FLI1: variants seen among roughly 807,000 people sequenced by gnomAD.
FLI1 encodes Fli-1 proto-oncogene, ETS transcription factor.
A neutral mutation model predicts 53.1 loss-of-function variants in FLI1; 13 were observed. The observed-to-expected ratio is 0.24, with a 90% CI of 0.16 to 0.39. FLI1 has a LOEUF of 0.39. Among genes scored for constraint, FLI1 ranks in the 10% least tolerant of loss-of-function variants. The pLI, the probability that FLI1 is intolerant of heterozygous loss-of-function variation, is 1.00. For missense variants in FLI1, 424 were observed against 600.5 expected (o/e 0.71, Z 3.07); for synonymous variants, 244 against 236.7 (o/e 1.03, Z -0.28).
At chr11:128,795,987 C>A (rs1314883201) in intron 5 of FLI1, among the ~76,000 whole-genome samples, 1 of 152,196 alleles carries the variant, frequency 6.6e-6, no homozygotes, top group Non-Finnish European at 1.5e-5. Context: ...CAAGTATCTA[C>A]CTTTTACAGA....
chr11:128,772,353 T>C (rs1941594238), intron 3 of FLI1, among the ~76,000 whole-genome samples: 1 of 152,212 alleles, frequency 6.6e-6, no homozygotes, highest in African/African-American at 2.4e-5. Flanking sequence ...AGTAAAAGTC[T>C]CTCTGTTTCT....
At chr11:128,763,432 C>G (rs1456894077) in intron 2 of FLI1, among the ~76,000 whole-genome samples, 1 of 152,244 alleles carries the variant, frequency 6.6e-6, no homozygotes, top group Non-Finnish European at 1.5e-5. Context: ...CTGCAAATAA[C>G]TCTCAGCTGC....
At chr11:128,733,557 G>A (rs1939785906) in intron 1 of FLI1, among the ~76,000 whole-genome samples, 1 of 152,202 alleles carries the variant, frequency 6.6e-6, no homozygotes, top group Admixed American at 6.5e-5. Context: ...AACATGCAAA[G>A]TGAGTCACAG....
chr11:128,794,465 GGAGA>G (rs139360912), intron 5 of FLI1, among the ~76,000 whole-genome samples: 17 of 151,868 alleles, frequency 1.1e-4, no homozygotes, highest in Admixed American at 2.6e-4. Flanking sequence ...TCATCTATCT[GGAGA>G]GAGAGAGAGA....
intron 7 of FLI1, 82 bp from the exon 8 acceptor site, chr11:128,809,075 A>G (rs1019076939): frequency 1.5e-5 from 17 of 1,103,678 alleles, no homozygotes; most frequent in Non-Finnish European, 1.9e-5. Context: ...AAAAGTATAA[A>G]CCCTTATGGT....
chr11:128,724,807 G>A (rs1400666191), intron 1 of FLI1, among the ~76,000 whole-genome samples: 1 of 152,154 alleles, frequency 6.6e-6, no homozygotes, highest in East Asian at 1.9e-4. Flanking sequence ...TCACTCTCAG[G>A]TCAAAGCAGG....
intron 1 of FLI1, among the ~76,000 whole-genome samples, chr11:128,741,751 G>T (rs1028457692): frequency 6.6e-6 from 1 of 152,176 alleles, no homozygotes; most frequent in Non-Finnish European, 1.5e-5. Context: ...CTCAGTTCAC[G>T]GCTTTCCTGT....
At chr11:128,795,092 A>G (rs1470267341) in intron 5 of FLI1, among the ~76,000 whole-genome samples, 1 of 152,196 alleles carries the variant, frequency 6.6e-6, no homozygotes, top group East Asian at 1.9e-4. Flanking sequence ...AAAATATTAA[A>G]CAGAGGCTTA....
rs751204647 is a variant in FLI1 at position 128,811,037 on chromosome 11, A to G, written c.*49A>G. On this transcript the variant is annotated 3_prime_UTR_variant, in exon 9 of 9. Coordinates refer to ENST00000527786, the MANE Select transcript of FLI1 (RefSeq NM_002017.5). ...TAGCTGAAGCCCATCCTGCACACTT[A>G]CTGGATGCTTTGGACTCAACAGGAC... is the stretch of plus-strand genomic sequence containing the variant. 6.4e-7 allele frequency: 1 copy of G among 1,556,206 alleles called. No individual in the cohort carries two copies. Among genetic ancestry groups the G allele is most frequent in the East Asian group, 2.2e-5 (1 of 44,614 alleles).
intron 3 of FLI1, among the ~76,000 whole-genome samples, chr11:128,771,604 T>G (rs1941559830): frequency 6.6e-6 from 1 of 152,206 alleles, no homozygotes; most frequent in Non-Finnish European, 1.5e-5. Flanking sequence ...GTGAGTTGCT[T>G]GAGGGGTAGC....
chr11:128,729,109 C>T (rs1181205848), intron 1 of FLI1, among the ~76,000 whole-genome samples: 1 of 152,216 alleles, frequency 6.6e-6, no homozygotes, highest in Non-Finnish European at 1.5e-5. Flanking sequence ...TTCTGCTAGG[C>T]ACCTCTGCTT....
chr11:128,750,420 C>G (rs1384937354), intron 1 of FLI1, among the ~76,000 whole-genome samples: 1 of 152,226 alleles, frequency 6.6e-6, no homozygotes, highest in African/African-American at 2.4e-5. Context: ...TAAGGAAGAA[C>G]AGAGGGAAAG....
intron 1 of FLI1, among the ~76,000 whole-genome samples, chr11:128,734,915 T>C (rs373570243): frequency 2.6e-5 from 4 of 152,264 alleles, no homozygotes; most frequent in East Asian, 3.9e-4. Flanking sequence ...GAAAAATAAA[T>C]GTACTAATTG....
At chr11:128,694,966 C>G (rs1424144035) in intron 1 of FLI1, among the ~76,000 whole-genome samples, 2 of 152,136 alleles carry the variant, frequency 1.3e-5, no homozygotes, top group Non-Finnish European at 2.9e-5. Context: ...GGCGGGGAAC[C>G]TTCCCCAGCC....
chr11:128,757,092 C>CTTTCTTTCTTT (rs1555116901), intron 1 of FLI1, among the ~76,000 whole-genome samples: 152 of 147,000 alleles, frequency 1.0e-3, no homozygotes, highest in Middle Eastern at 6.9e-3. Context: ...TTCTTTCTTT[C>CTTTCTTTCTTT]TTTCTTTCTT....
chr11:128,686,440 C>T (rs1565447000), upstream of FLI1: 1 of 456,260 alleles, frequency 2.2e-6, no homozygotes, highest in Non-Finnish European at 4.4e-6. Flanking sequence ...GCCTGAAGCC[C>T]GGGGACGGGA....
intron 4 of FLI1, among the ~76,000 whole-genome samples, chr11:128,779,050 T>C (rs191090481): frequency 4.6e-5 from 7 of 152,290 alleles, no homozygotes; most frequent in Admixed American, 3.9e-4. Flanking sequence ...AAAATCCTTT[T>C]CCTAGGTTGC....
At chr11:128,800,020 T>A (rs1352748527) in intron 5 of FLI1, among the ~76,000 whole-genome samples, 2 of 152,014 alleles carry the variant, frequency 1.3e-5, no homozygotes, top group Non-Finnish European at 2.9e-5. Flanking sequence ...CCTGTCGGAG[T>A]CTGGGAGTGA....
At chr11:128,716,925 C>G (rs11602106) in intron 1 of FLI1, among the ~76,000 whole-genome samples, 1 of 152,170 alleles carries the variant, frequency 6.6e-6, no homozygotes, top group Admixed American at 6.5e-5. Context: ...AGGGCATGCT[C>G]GTCACTGTGG....
Sources: allele counts gnomAD v4.1 joint callset (sites outside exome capture counted in the v4.1 genomes callset), GRCh38; gene constraint gnomAD v4.1.1; transcripts MANE v1.5; gene names NCBI Gene and HGNC (gene_info 2026-07-23, HGNC 2026-07-21).